Variants in MUSK observed in about 807,000 individuals in gnomAD.
MUSK encodes the protein muscle, skeletal receptor tyrosine-protein kinase.
A neutral mutation model predicts 88.7 loss-of-function variants in MUSK; 55 were observed. The observed-to-expected ratio is 0.62, with a 90% CI of 0.50 to 0.78. The LOEUF (loss-of-function observed/expected upper bound fraction) is 0.78. Ranked by LOEUF, MUSK falls within the 30% of genes least tolerant of loss-of-function variation. The pLI is 0.00. For missense variants in MUSK, 1,015 were observed against 1,074.3 expected (o/e 0.94, Z 0.77); for synonymous variants, 387 against 391.9 (o/e 0.99, Z 0.15).
intron 5 of MUSK, among the ~76,000 whole-genome samples, chr9:110,702,948 C>T (rs1205624171): frequency 6.6e-6 from 1 of 151,452 alleles, no homozygotes; most frequent in African/African-American, 2.4e-5. Flanking sequence ...TGGTTCCAGG[C>T]CAAAAAACCC....
Position 110,734,303 on chromosome 9 carries a change from C to A in MUSK, c.681C>A (p.Ser227=). 1 of 1,613,252 alleles carries A rather than the reference C, an allele frequency of 6.2e-7. No individual in the cohort carries two copies. The highest frequency in any genetic ancestry group is 8.5e-7 in the Non-Finnish European group (1 of 1,179,474). The part of the protein sequence containing the change: ...APESHNVTFG[S]FVTLHCTATG... ...AATCCCACAATGTCACCTTTGGCTC[C>A]TTTGTGACCCTGCACTGTACAGCAA... The change falls in exon 6 of 15, where the codon TCC becomes TCA. Residue 227 remains serine, a synonymous_variant. Transcript: ENST00000374448.
intron 4 of MUSK, 83 bp from the exon 5 acceptor site, chr9:110,697,242 T>C: frequency 7.1e-7 from 1 of 1,407,848 alleles, no homozygotes; most frequent in Non-Finnish European, 9.9e-7. Flanking sequence ...ATAATAGTGA[T>C]GACAATAAGT....
chr9:110,759,679 T>G (rs2077371880), intron 7 of MUSK, among the ~76,000 whole-genome samples: 1 of 152,206 alleles, frequency 6.6e-6, no homozygotes, highest in African/African-American at 2.4e-5. Flanking sequence ...CAGACACTTT[T>G]GAAAAGAAGA....
Position 110,734,382 on chromosome 9 carries a change from G to A in MUSK, c.753+7G>A. ...GATTGAAAACGGAAATGCTGTGAGT[G>A]TCATGTGTGTGGGGACTTGTCTGGG... On this transcript the variant is annotated splice_region_variant and intron_variant, in intron 6 of 14. Transcript: ENST00000374448. 1 of 1,613,050 alleles carries A rather than the reference G, an allele frequency of 6.2e-7. No individual in the cohort carries two copies. The highest frequency in any genetic ancestry group is 1.1e-5 in the South Asian group (1 of 91,042).
chr9:110,786,816 GCT>G (rs1278980032), intron 13 of MUSK, among the ~76,000 whole-genome samples: 1 of 152,156 alleles, frequency 6.6e-6, no homozygotes, highest in East Asian at 1.9e-4. Flanking sequence ...CAGACACACA[GCT>G]GAGCCAGAGA....
intron 11 of MUSK, among the ~76,000 whole-genome samples, chr9:110,783,972 T>C (rs1008453942): frequency 2.0e-5 from 3 of 152,098 alleles, no homozygotes; most frequent in Admixed American, 2.0e-4. Context: ...TTTTATTTAA[T>C]CTATTATTAA....
At chr9:110,736,286 T>C (rs1472987122) in intron 6 of MUSK, among the ~76,000 whole-genome samples, 6 of 151,856 alleles carry the variant, frequency 4.0e-5, no homozygotes, top group Non-Finnish European at 7.4e-5. Flanking sequence ...ATCCATAAAA[T>C]TTTAAATTAA....
rs1485089154 is a variant in MUSK, at chr9:110,801,149, C to T, written c.*161C>T. 1.7e-6 allele frequency: 1 copy of T among 575,158 alleles called. No homozygotes were observed. The highest frequency in any genetic ancestry group is 2.9e-5 in the East Asian group (1 of 33,970). The allele number at this position is 575,158 out of a possible 1,614,324, so 35.6% of individuals were successfully genotyped here. A position where few individuals can be genotyped will look rare whatever the true frequency, so the allele number is the denominator to read the frequency against. ...CAGGGAGAGCAAAGACAGTGCAAAA[C>T]CCATGTGGTAGACGGACCCATTGAA... is the stretch of plus-strand genomic sequence containing the variant. On this transcript the variant is annotated 3_prime_UTR_variant, in exon 15 of 15. Transcript: ENST00000374448.
chr9:110,733,138 G>A (rs1293261159), intron 5 of MUSK, among the ~76,000 whole-genome samples: 1 of 152,018 alleles, frequency 6.6e-6, no homozygotes, highest in East Asian at 1.9e-4. Flanking sequence ...ATTATATTCT[G>A]TGCTTAAGTC....
chr9:110,771,024 T>C (rs2077564996), intron 9 of MUSK, among the ~76,000 whole-genome samples: 1 of 152,012 alleles, frequency 6.6e-6, no homozygotes, highest in Admixed American at 6.6e-5. Context: ...AGAAGTATAA[T>C]TTATATACAA....
chr9:110,712,901 G>A (rs977234228), intron 5 of MUSK, among the ~76,000 whole-genome samples: 2 of 152,144 alleles, frequency 1.3e-5, no homozygotes, highest in African/African-American at 4.8e-5. Flanking sequence ...CAAGTAAAAT[G>A]CAATATATTT....
chr9:110,717,936 C>T (rs917940895), intron 5 of MUSK, among the ~76,000 whole-genome samples: 12 of 152,028 alleles, frequency 7.9e-5, no homozygotes, highest in African/African-American at 2.7e-4. Context: ...CACAGAAACT[C>T]AATGTTTTAA....
chr9:110,801,111 G>T lies in MUSK; in HGVS notation c.*123G>T. 1.2e-6 allele frequency: 1 copy of T among 868,220 alleles called. No individual in the cohort carries two copies. Among genetic ancestry groups the T allele is most frequent in the South Asian group, 2.9e-5 (1 of 34,070 alleles). 53.8% of individuals were successfully genotyped at this position (868,220 alleles called of 1,614,324 possible). A position where few individuals can be genotyped will look rare whatever the true frequency, so the allele number is the denominator to read the frequency against. The stretch of plus-strand genomic sequence containing the variant: ...GAGTAAGAGTAAACATGAGTAGTGT[G>T]TTGTTTGCTTCCCAGGGAGAGCAAA... On this transcript the variant is annotated 3_prime_UTR_variant, in exon 15 of 15. Transcript: ENST00000374448.
intron 5 of MUSK, among the ~76,000 whole-genome samples, chr9:110,713,362 C>T (rs1185640037): frequency 1.3e-5 from 2 of 150,946 alleles, no homozygotes; most frequent in Non-Finnish European, 2.9e-5. Flanking sequence ...CAGGTTCAAG[C>T]GATTCTTATG....
At chr9:110,774,946 CTAT>C (rs748400423) in intron 9 of MUSK, among the ~76,000 whole-genome samples, 12 of 151,896 alleles carry the variant, frequency 7.9e-5, no homozygotes, top group Non-Finnish European at 1.2e-4. Flanking sequence ...AGGACATCTG[CTAT>C]TATTATGTTT....
chr9:110,751,864 C>T (rs774464262), intron 7 of MUSK, among the ~76,000 whole-genome samples: 4 of 151,876 alleles, frequency 2.6e-5, no homozygotes, highest in Admixed American at 6.6e-5. Context: ...TAGTGCTGCA[C>T]GATGTTCGGA....
intron 13 of MUSK, among the ~76,000 whole-genome samples, chr9:110,787,069 A>G (rs889259403): frequency 2.6e-5 from 4 of 152,176 alleles, no homozygotes; most frequent in African/African-American, 9.7e-5. Context: ...AAAGATTAAA[A>G]GGTTAGGATG....
intron 11 of MUSK, among the ~76,000 whole-genome samples, chr9:110,783,931 AT>A (rs982240491): frequency 1.3e-5 from 2 of 151,736 alleles, no homozygotes; most frequent in South Asian, 4.2e-4. Flanking sequence ...AAAGTCATTG[AT>A]TTTTTTCTTT....
intron 14 of MUSK, among the ~76,000 whole-genome samples, chr9:110,788,686 T>C (rs1370060753): frequency 7.2e-6 from 1 of 139,392 alleles, no homozygotes; most frequent in Non-Finnish European, 1.5e-5. Context: ...ATTCACTCTA[T>C]ATGAGGAGAC....
Sources: gnomAD v4.1 joint callset for allele counts (sites outside exome capture counted in the v4.1 genomes callset) on GRCh38, gnomAD v4.1.1 for gene constraint, MANE v1.5 for transcripts, NCBI Gene and HGNC (gene_info 2026-07-23, HGNC 2026-07-21) for gene names.